The following GRIA2 variants were observed in gnomAD, a reference collection of about 807,000 sequenced individuals.
GRIA2 encodes glutamate receptor 2.
GRIA2 carries 14 observed loss-of-function variants against 97.3 expected under a neutral mutation model. The ratio of observed to expected loss-of-function variants is 0.14; its 90% CI spans 0.10 to 0.23. GRIA2 has a LOEUF of 0.23. Among genes scored for constraint, GRIA2 ranks in the 10% least tolerant of loss-of-function variants. GRIA2 has a pLI of 1.00. For synonymous variants in GRIA2, 412 were observed against 387.8 expected (o/e 1.06, Z -0.73); for missense variants, 558 against 1,069.8 (o/e 0.52, Z 6.67).
At chr4:157,222,672 G>C (rs1458163188) in intron 2 of GRIA2, among the ~76,000 whole-genome samples, 1 of 152,206 alleles carries the variant, frequency 6.6e-6, no homozygotes, top group Non-Finnish European at 1.5e-5. Flanking sequence ...GGATCTGGCC[G>C]AGTTTGAAAA....
chr4:157,260,727 G>A (rs920413328), intron 2 of GRIA2, among the ~76,000 whole-genome samples: 4 of 151,974 alleles, frequency 2.6e-5, no homozygotes, highest in African/African-American at 9.7e-5. Context: ...AGATATTGAG[G>A]GATAACAGGA....
chr4:157,334,482 CATG>C (rs1735197171), intron 9 of GRIA2: 1 of 171,140 alleles, frequency 5.8e-6, no homozygotes, highest in Admixed American at 5.9e-5. Flanking sequence ...TACATGATTT[CATG>C]ATGATGTCAA....
chr4:157,359,772 G>A (rs1306899564), intron 12 of GRIA2, 124 bp from the exon 13 acceptor site: 1 of 791,986 alleles, frequency 1.3e-6, no homozygotes, highest in Non-Finnish European at 2.0e-6. Context: ...ATTGTTGAAA[G>A]ATGAGATTTG....
intron 2 of GRIA2, among the ~76,000 whole-genome samples, chr4:157,295,760 G>A (rs1733319432): frequency 6.6e-6 from 1 of 152,076 alleles, no homozygotes; most frequent in African/African-American, 2.4e-5. Context: ...TTTTGTGAGA[G>A]TAAAGAAATC....
rs1736864495 is a variant in GRIA2 at position 157,365,894 on chromosome 4, A to C, written c.*2463A>C. The C allele has an allele frequency of 2.0e-5, 3 of 151,874 alleles. No individual in the cohort carries two copies. The highest frequency in any genetic ancestry group is 3.0e-5 in the Non-Finnish European group (2 of 67,506). The allele number at this position is 151,874 out of a possible 1,614,324, so 9.4% of individuals were successfully genotyped here. On this transcript the variant is annotated 3_prime_UTR_variant, in exon 16 of 16. Transcript: ENST00000264426. ...TTTTCTGCTGTGTTAAGTGGGTGTCAAACTCCAAGAAGACATACACTTTCT... is the reference window on the plus strand; with the variant it reads ...TTTTCTGCTGTGTTAAGTGGGTGTCCAACTCCAAGAAGACATACACTTTCT...
At chr4:157,222,084 C>T (rs1322279211) in intron 2 of GRIA2, among the ~76,000 whole-genome samples, 1 of 152,088 alleles carries the variant, frequency 6.6e-6, no homozygotes, top group Non-Finnish European at 1.5e-5. Context: ...GGGAGGGCGG[C>T]TTTCTTGGGT....
intron 12 of GRIA2, among the ~76,000 whole-genome samples, chr4:157,356,847 A>G (rs1322723451): frequency 6.6e-6 from 1 of 152,164 alleles, no homozygotes; most frequent in Non-Finnish European, 1.5e-5. Flanking sequence ...CAGGTAGACC[A>G]CAAATATATG....
chr4:157,276,160 C>G (rs902833890), intron 2 of GRIA2, among the ~76,000 whole-genome samples: 5 of 152,050 alleles, frequency 3.3e-5, no homozygotes, highest in African/African-American at 1.2e-4. Context: ...ATTTGGCTCT[C>G]TGTTTGTCTG....
chr4:157,220,442 G>C (rs1048152401), upstream of GRIA2: 17 of 152,030 alleles, frequency 1.1e-4, no homozygotes, highest in Non-Finnish European at 1.5e-5. Context: ...GACAGCCCCG[G>C]AGACCCGAGG....
Position 157,335,873 on chromosome 4 carries a change from A to G in GRIA2, c.1469A>G (p.Tyr490Cys). 6.3e-7 allele frequency: 1 copy of G among 1,587,252 alleles called. No individual in the cohort carries two copies. Among genetic ancestry groups the G allele is most frequent in the Non-Finnish European group, 8.6e-7 (1 of 1,157,290 alleles). ...IWNGMVGELV[Y>C]GKADIAIAPL... ...AATGGGATGGTTGGAGAACTTGTAT[A>G]TGGGGTAAGTATAGCTCTTCTCATA... The change falls in exon 10 of 16, where the codon TAT (tyrosine) becomes TGT (cysteine). Residue 490 changes from tyrosine to cysteine, a missense_variant. By Grantham distance (194) the Tyr-to-Cys change is radical. Coordinates refer to ENST00000264426, the MANE Select transcript of GRIA2 (RefSeq NM_001083619.3).
At chr4:157,355,898 TATAA>T (rs1305558303) in intron 12 of GRIA2, among the ~76,000 whole-genome samples, 752 of 4,884 alleles carry the variant, frequency 0.15, 24 homozygotes, top group East Asian at 0.44. Flanking sequence ...TATATTTATA[TATAA>T]ATATATATAT....
At chr4:157,245,366 A>T (rs17035900) in intron 2 of GRIA2, among the ~76,000 whole-genome samples, 52,620 of 151,878 alleles carry the variant, frequency 0.35, 9,526 homozygotes, top group African/African-American at 0.45. Flanking sequence ...TCCTTTCTCT[A>T]TATTCTAGTG....
Position 157,221,693 on chromosome 4 carries a change from C to G in GRIA2, c.115C>G (p.Gln39Glu). ...GGGGCTATTTCCTAGGGGCGCCGAT[C>G]AAGAATACAGTGCATTTCGAGTAGG... is the stretch of plus-strand genomic sequence containing the variant. ...IGGLFPRGAD[Q>E]EYSAFRVGMV... Residue 39 changes from glutamine (Q) to glutamate (E), a missense_variant, in exon 2 of 16, where the codon CAA becomes GAA. Coordinates refer to ENST00000264426, the MANE Select transcript of GRIA2 (RefSeq NM_001083619.3). 3 of 1,614,092 alleles carry G rather than the reference C, an allele frequency of 1.9e-6. No homozygotes were observed. Among genetic ancestry groups the G allele is most frequent in the African/African-American group, 1.3e-5 (1 of 75,046 alleles).
In GRIA2 at chr4:157,265,332, C is replaced by T. The variant is rs1223212456; in HGVS notation, c.230-38220C>T. The stretch of plus-strand genomic sequence containing the variant: ...CAGCCCAAAACTTAATAGCTTAAAA[C>T]AATTATTTAATTACCTCGCATGAAT... On this transcript the variant is annotated intron_variant, in intron 2 of 15. Coordinates refer to ENST00000264426, the MANE Select transcript of GRIA2 (RefSeq NM_001083619.3). Among the ~76,000 whole-genome samples, 3 of 152,166 alleles carry T rather than the reference C, an allele frequency of 2.0e-5. No individual in the cohort carries two copies. In the East Asian group the frequency reaches 5.8e-4, roughly 30 times the overall value.
At chr4:157,261,741 T>C (rs1731545792) in intron 2 of GRIA2, among the ~76,000 whole-genome samples, 1 of 152,146 alleles carries the variant, frequency 6.6e-6, no homozygotes, top group African/African-American at 2.4e-5. Flanking sequence ...TTATTATCTT[T>C]GGGTATTTAC....
intron 3 of GRIA2, 22 bp from the exon 4 acceptor site, chr4:157,312,657 T>A: frequency 7.0e-7 from 1 of 1,418,558 alleles, no homozygotes. Flanking sequence ...TTATCAGTCA[T>A]CATTTTTCTT....
chr4:157,221,180 ATCTTTGT>A (rs1729476424), intron 1 of GRIA2, 50 bp downstream of exon 1: 1 of 927,090 alleles, frequency 1.1e-6, no homozygotes. Flanking sequence ...TTTGGTGGTA[ATCTTTGT>A]TCACAGTGTA....
At chr4:157,295,492 A>G (rs1014818945) in intron 2 of GRIA2, among the ~76,000 whole-genome samples, 1 of 152,090 alleles carries the variant, frequency 6.6e-6, no homozygotes, top group South Asian at 2.1e-4. Flanking sequence ...CAGTAGCTAT[A>G]TATTGAGTGT....
At chr4:157,329,333 G>A (rs1734946363) in intron 6 of GRIA2, among the ~76,000 whole-genome samples, 1 of 151,890 alleles carries the variant, frequency 6.6e-6, no homozygotes, top group African/African-American at 2.4e-5. Context: ...ATCAATCAAT[G>A]TATAAAAATT....
Sources: allele counts gnomAD v4.1 joint callset (sites outside exome capture counted in the v4.1 genomes callset), GRCh38; gene constraint gnomAD v4.1.1; transcripts MANE v1.5; gene names NCBI Gene and HGNC (gene_info 2026-07-23, HGNC 2026-07-21).